ATP23: variants seen among roughly 807,000 people sequenced by gnomAD.
ATP23 encodes ATP23 metallopeptidase and ATP synthase assembly factor homolog.
A neutral mutation model predicts 28.5 loss-of-function variants in ATP23; 24 were observed. The ratio of observed to expected loss-of-function variants is 0.84; its 90% CI spans 0.61 to 1.18. ATP23 has a LOEUF of 1.18. Among genes scored for constraint, ATP23 ranks in the 50% most tolerant of loss-of-function variants. The pLI is 0.00. For synonymous variants in ATP23, 99 were observed against 108.6 expected, an observed-to-expected ratio of 0.91 and a Z score of 0.55; for missense variants, 274 against 306.4, an observed-to-expected ratio of 0.89 and a Z score of 0.79.
intron 2 of ATP23, among the ~76,000 whole-genome samples, 183 bp from the exon 3 acceptor site, chr12:57,946,812 A>G (rs1181266311): frequency 6.6e-6 from 1 of 152,144 alleles, no homozygotes; most frequent in Non-Finnish European, 1.5e-5. Flanking sequence ...GATTTTGTGT[A>G]CAACCTCCTT....
intron 1 of ATP23, among the ~76,000 whole-genome samples, chr12:57,943,997 T>TTTC (rs1478413111): frequency 2.0e-5 from 3 of 151,420 alleles, no homozygotes; most frequent in Non-Finnish European, 4.4e-5. Context: ...TTTTTTTTTT[T>TTTC]TTCACCAAAG....
At chr12:57,944,310 C>T (rs1296220751) in intron 1 of ATP23, among the ~76,000 whole-genome samples, 1 of 152,156 alleles carries the variant, frequency 6.6e-6, no homozygotes, top group Non-Finnish European at 1.5e-5. Context: ...TTGCCTTCAA[C>T]ATTTTTTTTA....
intron 2 of ATP23, 131 bp downstream of exon 2, chr12:57,945,804 A>T (rs928141558): frequency 1.3e-6 from 1 of 775,866 alleles, no homozygotes; most frequent in African/African-American, 1.8e-5. Context: ...AAATAGAGGT[A>T]ATTGGCTGCA....
intron 1 of ATP23, among the ~76,000 whole-genome samples, chr12:57,944,189 G>A (rs1382059239): frequency 6.6e-6 from 1 of 151,674 alleles, no homozygotes; most frequent in Non-Finnish European, 1.5e-5. Context: ...TCAATAATAC[G>A]TATTGTTAAC....
rs1956874170 is a variant in ATP23, at chr12:57,956,907, A to G, written c.*17A>G. On this transcript the variant is annotated 3_prime_UTR_variant, in exon 6 of 6. Coordinates refer to ENST00000300145, the MANE Select transcript of ATP23 (RefSeq NM_033276.4). ...AATATATGAGCACAATGACATTTTT[A>G]TATTACAGAGCTTCCATCATCATGA... 3.2e-6 allele frequency: 5 copies of G among 1,578,882 alleles called. No homozygotes were observed. The highest frequency in any genetic ancestry group is 4.3e-6 in the Non-Finnish European group (5 of 1,166,476).
chr12:57,947,401 G>T (rs1422566396), intron 3 of ATP23, among the ~76,000 whole-genome samples: 4 of 152,172 alleles, frequency 2.6e-5, no homozygotes, highest in Admixed American at 2.6e-4. Flanking sequence ...AGCCTCCTTA[G>T]GGGCAGAGCA....
chr12:57,949,801 A>G (rs1423457313), intron 3 of ATP23: 1 of 152,146 alleles, frequency 6.6e-6, no homozygotes, highest in Non-Finnish European at 1.5e-5. Context: ...CACCTACTTA[A>G]GGGTCTTAAG....
At position 57,956,874 on chromosome 12, in the gene ATP23, A is replaced by G. The variant is rs370130714; in HGVS notation, c.725A>G (p.Tyr242Cys). Residue 242 changes from tyrosine (Y) to cysteine (C), a missense_variant, in exon 6 of 6, where the codon TAT becomes TGT. Coordinates refer to ENST00000300145, the MANE Select transcript of ATP23 (RefSeq NM_033276.4). Reference sequence around the variant, plus strand: ...AGAGACTTTGAAAACCGTGATCGGTATTATTCAAATATATGAGCACAATGA... The same window carrying G: ...AGAGACTTTGAAAACCGTGATCGGTGTTATTCAAATATATGAGCACAATGA... Reference protein sequence around the residue: ...AHRDFENRDRYYSNI With the variant: ...AHRDFENRDRCYSNI 1.2e-6 allele frequency: 2 copies of G among 1,609,512 alleles called. No homozygotes were observed. Among genetic ancestry groups the G allele is most frequent in the South Asian group, 1.1e-5 (1 of 89,816 alleles).
intron 3 of ATP23, among the ~76,000 whole-genome samples, chr12:57,947,356 T>G (rs1956772491): frequency 6.6e-6 from 1 of 152,166 alleles, no homozygotes; most frequent in African/African-American, 2.4e-5. Context: ...TGTGATCGAT[T>G]GAAAGATGCC....
chr12:57,954,114 G>T (rs185401613), intron 5 of ATP23, among the ~76,000 whole-genome samples: 2 of 145,396 alleles, frequency 1.4e-5, no homozygotes, highest in Admixed American at 7.1e-5. Context: ...AGAATCACTT[G>T]AATCTGGGAG....
rs762301115 is a variant in ATP23 at position 57,947,082 on chromosome 12, CATT to C, written c.315+10_315+12del. On this transcript the variant is annotated splice_region_variant and intron_variant, in intron 3 of 5. Coordinates refer to ENST00000300145, the MANE Select transcript of ATP23 (RefSeq NM_033276.4). Reference sequence around the variant, plus strand: ...TTGATGCTTCAACATCTCAGGTAGGCATTATTGCCAAATTGTTTCCTTCCCTTT... The same window carrying C: ...TTGATGCTTCAACATCTCAGGTAGGCATTGCCAAATTGTTTCCTTCCCTTT... The C allele has an allele frequency of 4.3e-6, 7 of 1,612,918 alleles. No individual in the cohort carries two copies. The South Asian group carries it at 7.7e-5, about 18-fold the overall frequency.
rs58802052 is a variant in ATP23, at chr12:57,958,675, C to T, written c.*1785C>T. Among the ~76,000 whole-genome samples the T allele has an allele frequency of 0.016, 2,450 of 152,266 alleles. 65 individuals carry two copies. Among genetic ancestry groups the T allele is most frequent in the African/African-American group, 0.056 (2,338 of 41,528 alleles). On this transcript the variant is annotated 3_prime_UTR_variant, in exon 6 of 6. Coordinates refer to ENST00000300145, the MANE Select transcript of ATP23 (RefSeq NM_033276.4). Reference sequence around the variant, plus strand: ...TTGGCTTACAGGAAGCCACATCCATCGGAAAAGGGGGAGGGTATACATCAA... The same window carrying T: ...TTGGCTTACAGGAAGCCACATCCATTGGAAAAGGGGGAGGGTATACATCAA...
At chr12:57,951,927 T>C (rs1164342423) in intron 4 of ATP23, 32 bp downstream of exon 4, 1 of 1,609,636 alleles carries the variant, frequency 6.2e-7, no homozygotes, top group Non-Finnish European at 8.5e-7. Context: ...TCCAGAATAC[T>C]CTATGCTTGA....
At chr12:57,948,261 C>T (rs1198266942) in intron 3 of ATP23, among the ~76,000 whole-genome samples, 1 of 152,004 alleles carries the variant, frequency 6.6e-6, no homozygotes, top group African/African-American at 2.4e-5. Flanking sequence ...GCACCCTCTC[C>T]TTTTATTTTA....
Position 57,956,687 on chromosome 12 carries a change from A to T in ATP23, c.538A>T (p.Thr180Ser), listed in dbSNP as rs1410716059. The change falls in exon 6 of 6, where the codon ACT (threonine) becomes TCT (serine). Residue 180 changes from threonine to serine, a missense_variant and splice_region_variant. Physicochemically the swap from Thr to Ser is moderately conservative, Grantham distance 58. Coordinates refer to ENST00000300145, the MANE Select transcript of ATP23 (RefSeq NM_033276.4). The stretch of plus-strand genomic sequence containing the variant: ...GCCTCATACTTTTCCTTCTTTTTAG[A>T]CTTGTGTGCGAGACAGAGCCACTCT... ...LHFGLKQHHQ[T>S]CVRDRATLSI... is the part of the protein sequence containing the mutation. 3.1e-6 allele frequency: 5 copies of T among 1,590,688 alleles called. No homozygotes were observed. The highest frequency in any genetic ancestry group is 4.3e-6 in the Non-Finnish European group (5 of 1,170,126).
At position 57,958,484 on chromosome 12, in the gene ATP23, AC is replaced by A. The variant is rs1009435570; in HGVS notation, c.*1601del. On this transcript the variant is annotated 3_prime_UTR_variant, in exon 6 of 6. Coordinates refer to ENST00000300145, the MANE Select transcript of ATP23 (RefSeq NM_033276.4). ...TAAGAACCCTCATGGAGTCCATTGC[AC>A]CCCCCCTGCCACCTCCACTGGAACA... Among the ~76,000 whole-genome samples, 12 of 151,626 alleles carry A rather than the reference AC, an allele frequency of 7.9e-5. No homozygotes were observed. In the East Asian group the frequency reaches 1.9e-3, roughly 25 times the overall value.
chr12:57,947,879 C>T (rs2140531681), intron 3 of ATP23, among the ~76,000 whole-genome samples: 1 of 152,236 alleles, frequency 6.6e-6, no homozygotes, highest in South Asian at 2.1e-4. Flanking sequence ...GTAACTGTTT[C>T]CCACTTGAAT....
At chr12:57,946,960 G>C (rs1298641600) in intron 2 of ATP23, 35 bp from the exon 3 acceptor site, 1 of 1,608,072 alleles carries the variant, frequency 6.2e-7, no homozygotes, top group Admixed American at 1.7e-5. Flanking sequence ...CATACACACT[G>C]TTTCTGGACA....
Position 57,942,425 on chromosome 12 carries a change from AT to A in ATP23, c.187+553del, listed in dbSNP as rs35301187. Among the ~76,000 whole-genome samples the A allele has an allele frequency of 8.3e-3, 1,148 of 139,094 alleles. 2 individuals carry two copies. The highest frequency in any genetic ancestry group is 9.9e-3 in the Non-Finnish European group (634 of 64,284). 91.3% of individuals were successfully genotyped at this position (139,094 alleles called of 152,430 possible). ...TGTGTGTGTGTGTGCCCCTAAGTGC[AT>A]TTTTTTTTTTTTTTTGAGACGGAGT... On this transcript the variant is annotated intron_variant, in intron 1 of 5. Transcript: ENST00000300145.
Sources: allele counts gnomAD v4.1 joint callset (sites outside exome capture counted in the v4.1 genomes callset), GRCh38; gene constraint gnomAD v4.1.1; transcripts MANE v1.5; gene names NCBI Gene and HGNC (gene_info 2026-07-23, HGNC 2026-07-21).